TBC1D5: variants seen among roughly 807,000 people sequenced by gnomAD.
TBC1D5 encodes TBC1 domain family, member 5.
TBC1D5 carries 75 observed loss-of-function variants against 100.3 expected under a neutral mutation model. That is an observed-to-expected ratio of 0.75 (90% CI 0.62 to 0.91). The LOEUF is 0.91. Ranked by LOEUF, TBC1D5 falls within the 40% of genes least tolerant of loss-of-function variation. The pLI is 0.00. For missense variants in TBC1D5, 910 were observed against 942.4 expected, an observed-to-expected ratio of 0.97 and a Z score of 0.45; for synonymous variants, 323 against 325.6, an observed-to-expected ratio of 0.99 and a Z score of 0.09.
intron 3 of TBC1D5, among the ~76,000 whole-genome samples, chr3:17,436,423 G>C (rs746090071): frequency 2.6e-5 from 4 of 151,822 alleles, no homozygotes; most frequent in Non-Finnish European, 5.9e-5. Context: ...AAAGTAAAAG[G>C]CTACTAGTTC....
intron 1 of TBC1D5, among the ~76,000 whole-genome samples, chr3:17,671,230 G>A (rs534297372): frequency 1.2e-4 from 18 of 152,314 alleles, no homozygotes; most frequent in African/African-American, 3.4e-4. Context: ...GTACAATACA[G>A]ATGCAGAAGG....
intron 5 of TBC1D5, 51 bp from the exon 6 acceptor site, chr3:17,405,012 G>T: frequency 8.4e-7 from 1 of 1,186,510 alleles, no homozygotes; most frequent in Non-Finnish European, 1.2e-6. Context: ...GATATAAAAT[G>T]TGAAACTATG....
chr3:17,213,747 A>G (rs2073267914), intron 18 of TBC1D5, among the ~76,000 whole-genome samples: 1 of 151,132 alleles, frequency 6.6e-6, no homozygotes, highest in Admixed American at 6.6e-5. Flanking sequence ...AAAAAAAAAA[A>G]AAAAAAAAAA....
At chr3:17,598,512 T>C (rs2060719770) in intron 2 of TBC1D5, among the ~76,000 whole-genome samples, 1 of 152,158 alleles carries the variant, frequency 6.6e-6, no homozygotes, top group Non-Finnish European at 1.5e-5. Context: ...TGTTTCAGAG[T>C]TCTTTTTTTT....
intron 1 of TBC1D5, among the ~76,000 whole-genome samples, chr3:17,677,806 C>T (rs980432038): frequency 2.6e-5 from 4 of 152,158 alleles, no homozygotes; most frequent in Admixed American, 2.0e-4. Context: ...CCATGGAATA[C>T]AATGCAGCCA....
chr3:17,276,642 C>T (rs561065605), intron 15 of TBC1D5, among the ~76,000 whole-genome samples: 1 of 152,266 alleles, frequency 6.6e-6, no homozygotes, highest in African/African-American at 2.4e-5. Flanking sequence ...TTAGTTTTTC[C>T]CTTAGAGAGA....
At chr3:17,196,510 A>C (rs969446277) in intron 18 of TBC1D5, among the ~76,000 whole-genome samples, 1 of 152,210 alleles carries the variant, frequency 6.6e-6, no homozygotes, top group African/African-American at 2.4e-5. Context: ...ACTAATGATA[A>C]GGCTGAACAG....
chr3:17,677,266 T>G (rs896277457), intron 1 of TBC1D5, among the ~76,000 whole-genome samples: 2 of 152,166 alleles, frequency 1.3e-5, no homozygotes, highest in Non-Finnish European at 2.9e-5. Context: ...GACAAAGGGC[T>G]AATATCCAGA....
chr3:17,161,026 G>T (rs1161877653), exon 22 of TBC1D5: 1 of 1,614,246 alleles, frequency 6.2e-7, no homozygotes, highest in East Asian at 2.2e-5. Context: ...CATCAGGACT[G>T]GAGCTGGGGT....
At chr3:17,296,148 G>A (rs542358823) in intron 14 of TBC1D5, among the ~76,000 whole-genome samples, 1 of 152,234 alleles carries the variant, frequency 6.6e-6, no homozygotes, top group East Asian at 1.9e-4. Context: ...ATAAATTCTT[G>A]TTTCTAAAAA....
intron 2 of TBC1D5, among the ~76,000 whole-genome samples, chr3:17,553,711 A>T (rs2096492437): frequency 6.6e-6 from 1 of 152,202 alleles, no homozygotes; most frequent in Non-Finnish European, 1.5e-5. Flanking sequence ...TTGTTTACTG[A>T]GTGCTGCCTC....
chr3:17,409,323 A>G (rs1450080138), intron 4 of TBC1D5, among the ~76,000 whole-genome samples: 1 of 152,290 alleles, frequency 6.6e-6, no homozygotes, highest in Non-Finnish European at 1.5e-5. Context: ...ACAACCATAT[A>G]AGACAGTGAA....
intron 1 of TBC1D5, among the ~76,000 whole-genome samples, chr3:17,657,096 G>C (rs887707056): frequency 8.6e-5 from 13 of 152,034 alleles, no homozygotes; most frequent in Non-Finnish European, 1.5e-4. Flanking sequence ...CTTGTCTGCT[G>C]AAGTCTATCT....
At chr3:17,196,640 G>A (rs935598751) in intron 18 of TBC1D5, among the ~76,000 whole-genome samples, 6 of 152,206 alleles carry the variant, frequency 3.9e-5, no homozygotes, top group African/African-American at 1.4e-4. Flanking sequence ...CATACACGAT[G>A]CACACGTTGG....
chr3:17,270,137 C>G (rs985168611), intron 15 of TBC1D5, among the ~76,000 whole-genome samples: 1 of 152,118 alleles, frequency 6.6e-6, no homozygotes, highest in Non-Finnish European at 1.5e-5. Context: ...TCCCTTTTCT[C>G]CGCAGTCTCA....
At position 17,490,003 on chromosome 3, in the gene TBC1D5, C is replaced by T. The variant is rs555925587; in HGVS notation, c.97+18471G>A. Among the ~76,000 whole-genome samples the T allele has an allele frequency of 4.6e-5, 7 of 152,314 alleles. No homozygotes were observed. In the South Asian group the frequency reaches 1.2e-3, roughly 27 times the overall value. On this transcript the variant is annotated intron_variant, in intron 3 of 21. Transcript: ENST00000253692. ...TCCTACTTCTCCACAGCCTCATCAG[C>T]ATCTGTTGTTTCTTGGCTTCTTAAT...
At chr3:17,452,115 T>C (rs2094942274) in intron 3 of TBC1D5, among the ~76,000 whole-genome samples, 1 of 151,936 alleles carries the variant, frequency 6.6e-6, no homozygotes, top group African/African-American at 2.4e-5. Flanking sequence ...AGTTATAAGA[T>C]AGTATTTATA....
At chr3:17,194,930 T>C (rs952714245) in intron 18 of TBC1D5, among the ~76,000 whole-genome samples, 3 of 152,190 alleles carry the variant, frequency 2.0e-5, no homozygotes, top group Non-Finnish European at 2.9e-5. Flanking sequence ...GTAAATAAGC[T>C]TACAATCTGG....
intron 16 of TBC1D5, among the ~76,000 whole-genome samples, chr3:17,242,334 A>T (rs1366699753): frequency 3.9e-5 from 6 of 151,970 alleles, no homozygotes. Flanking sequence ...CTCTATGTTT[A>T]TTTTTTAGAT....
Sources: allele counts gnomAD v4.1 joint callset (sites outside exome capture counted in the v4.1 genomes callset), GRCh38; gene constraint gnomAD v4.1.1; transcripts MANE v1.5; gene names NCBI Gene and HGNC (gene_info 2026-07-23, HGNC 2026-07-21).